OPA1: variants seen among roughly 807,000 people sequenced by gnomAD.
OPA1 encodes the protein dynamin-like GTPase OPA1, mitochondrial.
Under a neutral mutation model 152.9 loss-of-function variants are expected in OPA1, and 59 were observed. The observed-to-expected ratio is 0.39, with a 90% CI of 0.31 to 0.48. The LOEUF (loss-of-function observed/expected upper bound fraction) is 0.48. OPA1 is among the 20% of genes least tolerant of loss of function. The pLI is 0.96. For synonymous variants in OPA1, 400 were observed against 389.9 expected (o/e 1.03, Z -0.31); for missense variants, 1,008 against 1,216.8 (o/e 0.83, Z 2.55).
At chr3:193,644,938 A>G (rs916947707) in intron 16 of OPA1, among the ~76,000 whole-genome samples, 1 of 151,628 alleles carries the variant, frequency 6.6e-6, no homozygotes. Context: ...GGGGGTAGAA[A>G]CTCTAACATA....
chr3:193,696,688 G>T lies in OPA1; in HGVS notation c.*2088G>T, dbSNP rs181490122. 7.9e-5 allele frequency: 12 copies of T among 152,230 alleles called. No individual in the cohort carries two copies. Among genetic ancestry groups the T allele is most frequent in the Admixed American group, 7.8e-4 (12 of 15,308 alleles). 9.4% of individuals were successfully genotyped at this position (152,230 alleles called of 1,614,324 possible). On this transcript the variant is annotated 3_prime_UTR_variant, in exon 31 of 31. Transcript: ENST00000361510. ...GAAATGATTCTAATTTAAACAAAAA[G>T]ATACTAAATATACAGAAGTTAAATT...
rs1028970256 is a variant in OPA1 at position 193,613,847 on chromosome 3, G to T, written c.33-876G>T. ...CCCACCTCAGCCTCCCAAAGTGCTG[G>T]GATTACAGGTGTGAGCCACCACACC... On this transcript the variant is annotated intron_variant, in intron 1 of 30. Coordinates refer to ENST00000361510, the MANE Select transcript of OPA1 (RefSeq NM_130837.3). The T allele has an allele frequency of 7.9e-4, 393 of 495,932 alleles. 1 individual carries two copies. Among genetic ancestry groups the T allele is most frequent in the South Asian group, 5.8e-4 (39 of 67,174 alleles). 30.7% of individuals were successfully genotyped at this position (495,932 alleles called of 1,614,324 possible). A position where few individuals can be genotyped will look rare whatever the true frequency, so the allele number is the denominator to read the frequency against.
At chr3:193,596,421 T>TTTTCTTTTCTTTTCTTC (rs1577105961) in intron 1 of OPA1, among the ~76,000 whole-genome samples, 1 of 149,838 alleles carries the variant, frequency 6.7e-6, no homozygotes, top group Non-Finnish European at 1.5e-5. Flanking sequence ...TTTTCTTTTC[T>TTTTCTTTTCTTTTCTTC]TTCACACAGG....
intron 3 of OPA1, 76 bp downstream of exon 3, chr3:193,615,846 T>A: frequency 1.2e-6 from 1 of 865,860 alleles, no homozygotes; most frequent in South Asian, 1.3e-5. Flanking sequence ...GATAGTTTCT[T>A]AACTTATGAA....
chr3:193,694,507 G>A (rs1722081186), intron 30 of OPA1, 99 bp from the exon 31 acceptor site: 2 of 152,172 alleles, frequency 1.3e-5, no homozygotes, highest in African/African-American at 4.8e-5. Context: ...AAGCGGTTAG[G>A]CTTCAACATT....
At chr3:193,615,108 A>C in intron 2 of OPA1, 67 bp downstream of exon 2, 1 of 1,257,916 alleles carries the variant, frequency 7.9e-7, no homozygotes. Context: ...AGCATAAATC[A>C]TTTTTGTGTA....
At chr3:193,614,081 A>C (rs1728665511) in intron 1 of OPA1, 2 of 450,438 alleles carry the variant, frequency 4.4e-6, no homozygotes, top group Admixed American at 2.5e-5. Flanking sequence ...CTCTACAGTC[A>C]ATGTGTACAT....
chr3:193,662,971 T>C lies in OPA1; in HGVS notation c.2661+9T>C. The C allele has an allele frequency of 1.2e-6, 2 of 1,613,184 alleles. No individual in the cohort carries two copies. Among genetic ancestry groups the C allele is most frequent in the South Asian group, 1.1e-5 (1 of 91,050 alleles). ...AAGTAGATCCAAGCTTGGTAATAAA[T>C]ACTGCTGAGAAGCAGGAATCTGCTT... On this transcript the variant is annotated intron_variant, in intron 26 of 30. Coordinates refer to ENST00000361510, the MANE Select transcript of OPA1 (RefSeq NM_130837.3).
chr3:193,694,565 C>T (rs1362690373), intron 30 of OPA1, 41 bp from the exon 31 acceptor site: 2 of 152,206 alleles, frequency 1.3e-5, no homozygotes, highest in Non-Finnish European at 2.9e-5. Context: ...TTGCATTTAT[C>T]TCCCCTGACC....
intron 21 of OPA1, among the ~76,000 whole-genome samples, chr3:193,651,632 T>C (rs1712481105): frequency 6.6e-6 from 1 of 152,184 alleles, no homozygotes; most frequent in Non-Finnish European, 1.5e-5. Context: ...AGATTACTGC[T>C]CTATGGATAG....
intron 30 of OPA1, among the ~76,000 whole-genome samples, chr3:193,693,609 C>A (rs112057201): frequency 1.8e-3 from 272 of 152,172 alleles, no homozygotes; most frequent in South Asian, 0.013. Flanking sequence ...CACTGCACTC[C>A]AGCCTGGGCG....
rs758100951 is a variant in OPA1, at chr3:193,657,126, A to G, written c.2225A>G (p.Glu742Gly). The change falls in exon 23 of 31, where the codon GAA becomes GGA. Residue 742 changes from glutamate (E) to glycine (G), a missense_variant. By Grantham distance (98) the Glu-to-Gly change is moderately conservative. Transcript: ENST00000361510. ...LQEEFSRFMT[E>G]PKGKEHDDIF... ...GAAGAATTTTCCCGCTTTATGACAG[A>G]ACCGAAAGGGAAAGAGCATGATGAC... is the stretch of plus-strand genomic sequence containing the variant. The G allele has an allele frequency of 1.2e-6, 2 of 1,613,868 alleles. No homozygotes were observed. Among genetic ancestry groups the G allele is most frequent in the African/African-American group, 2.7e-5 (2 of 74,910 alleles).
intron 10 of OPA1, 122 bp downstream of exon 10, chr3:193,637,403 AT>A: frequency 1.9e-6 from 1 of 537,250 alleles, no homozygotes; most frequent in Non-Finnish European, 3.3e-6. Context: ...AGGCATTTAT[AT>A]TTTTTATGTA....
At chr3:193,597,826 C>T (rs373510858) in intron 1 of OPA1, among the ~76,000 whole-genome samples, 45 of 152,142 alleles carry the variant, frequency 3.0e-4, no homozygotes, top group African/African-American at 9.9e-4. Flanking sequence ...TGGCTTACAC[C>T]TGTAATCCCA....
intron 7 of OPA1, chr3:193,627,132 T>C (rs948120957): frequency 6.6e-6 from 1 of 152,216 alleles, no homozygotes; most frequent in African/African-American, 2.4e-5. Context: ...CATTCTACTA[T>C]TTAAATCAAC....
In OPA1 at chr3:193,593,776, C is replaced by G. The variant is rs552493424; in HGVS notation, c.32+367C>G. Among the ~76,000 whole-genome samples, 3 of 151,932 alleles carry G rather than the reference C, an allele frequency of 2.0e-5. No homozygotes were observed. The South Asian group carries it at 6.3e-4, about 32-fold the overall frequency. On this transcript the variant is annotated intron_variant, in intron 1 of 30. Transcript: ENST00000361510. ...TGTCCTCTCCCTGCCAGGTTTGGCT[C>G]TGTCCATGAGTCACCTCTCTCCACA...
intron 29 of OPA1, among the ~76,000 whole-genome samples, chr3:193,677,892 A>G (rs1386622839): frequency 1.3e-5 from 2 of 152,188 alleles, no homozygotes; most frequent in Non-Finnish European, 2.9e-5. Flanking sequence ...ATGGGACTGC[A>G]TGGTCGTTGC....
intron 9 of OPA1, 80 bp from the exon 10 acceptor site, chr3:193,637,115 C>G: frequency 1.4e-6 from 1 of 729,196 alleles, no homozygotes; most frequent in Non-Finnish European, 2.3e-6. Context: ...GAATTTATCA[C>G]TTTTTTCTCT....
intron 21 of OPA1, 31 bp downstream of exon 21, chr3:193,648,902 A>G (rs1240589162): frequency 1.5e-6 from 2 of 1,347,834 alleles, no homozygotes; most frequent in East Asian, 4.6e-5. Context: ...TCTTTTCTGA[A>G]AGACTTTACT....
Sources: allele counts gnomAD v4.1 joint callset (sites outside exome capture counted in the v4.1 genomes callset), GRCh38; gene constraint gnomAD v4.1.1; transcripts MANE v1.5; gene names NCBI Gene and HGNC (gene_info 2026-07-23, HGNC 2026-07-21).